STK39: variants seen among roughly 807,000 people sequenced by gnomAD.
The protein encoded by STK39 is STE20/SPS1-related proline-alanine-rich protein kinase.
Under a neutral mutation model 77.8 loss-of-function variants are expected in STK39, and 20 were observed. The observed-to-expected ratio is 0.26, with a 90% CI of 0.18 to 0.37. The LOEUF (loss-of-function observed/expected upper bound fraction) is 0.37, where lower values mean the gene tolerates loss of function less well. Ranked by LOEUF, STK39 falls within the 10% of genes least tolerant of loss-of-function variation. The pLI is 1.00. For synonymous variants in STK39, 246 were observed against 234.1 expected (o/e 1.05, Z -0.47); for missense variants, 479 against 656.5 (o/e 0.73, Z 2.95).
intron 12 of STK39, among the ~76,000 whole-genome samples, chr2:168,073,552 C>A (rs1685997282): frequency 6.6e-6 from 1 of 152,182 alleles, no homozygotes; most frequent in African/African-American, 2.4e-5. Flanking sequence ...AGCACAACAT[C>A]TGTGTGGTCA....
In STK39 at chr2:167,954,643, A is replaced by T. The variant is rs1238194397; in HGVS notation, c.*853T>A. The stretch of plus-strand genomic sequence containing the variant: ...ACTTAACATATGCCACCTTATATAG[A>T]GGAAATTTTAGATCTGAGACTATTC... On this transcript the variant is annotated 3_prime_UTR_variant, in exon 18 of 18. Coordinates refer to ENST00000355999, the MANE Select transcript of STK39 (RefSeq NM_013233.3). 6.6e-6 allele frequency: 1 copy of T among 152,636 alleles called. No individual in the cohort carries two copies. The highest frequency in any genetic ancestry group is 1.5e-5 in the Non-Finnish European group (1 of 68,046). The allele number at this position is 152,636 out of a possible 1,614,324, so 9.5% of individuals were successfully genotyped here. A position where few individuals can be genotyped will look rare whatever the true frequency, so the allele number is the denominator to read the frequency against.
At chr2:168,026,678 CA>C (rs1240209979) in intron 14 of STK39, among the ~76,000 whole-genome samples, 2 of 152,178 alleles carry the variant, frequency 1.3e-5, no homozygotes, top group Non-Finnish European at 2.9e-5. Flanking sequence ...ACTTTTCCCC[CA>C]GTTATACCCC....
intron 14 of STK39, among the ~76,000 whole-genome samples, chr2:168,050,312 T>A (rs1418362302): frequency 6.6e-6 from 1 of 152,044 alleles, no homozygotes; most frequent in African/African-American, 2.4e-5. Context: ...ATACCACAAA[T>A]AAGGAGAGAC....
chr2:168,051,396 C>CA (rs139703948), intron 14 of STK39, among the ~76,000 whole-genome samples: 78 of 151,698 alleles, frequency 5.1e-4, no homozygotes, highest in African/African-American at 1.6e-3. Context: ...TAAATGCCAC[C>CA]AAAAAAAAGC....
intron 16 of STK39, among the ~76,000 whole-genome samples, chr2:167,968,150 G>A (rs1007023762): frequency 1.2e-4 from 18 of 152,162 alleles, no homozygotes; most frequent in African/African-American, 2.4e-5. Context: ...GTGGTTTTCC[G>A]TGCTGTATAT....
chr2:168,228,770 G>A (rs372069120), intron 1 of STK39, among the ~76,000 whole-genome samples: 10 of 152,090 alleles, frequency 6.6e-5, no homozygotes, highest in African/African-American at 2.4e-4. Context: ...GCCTGGACAA[G>A]AGTGAAACTC....
intron 10 of STK39, among the ~76,000 whole-genome samples, chr2:168,126,838 A>G (rs1331406270): frequency 2.0e-5 from 3 of 152,192 alleles, no homozygotes; most frequent in African/African-American, 7.2e-5. Flanking sequence ...AAAACAGCCA[A>G]TATTATGAAA....
intron 1 of STK39, among the ~76,000 whole-genome samples, chr2:168,246,725 C>T (rs2105289808): frequency 6.6e-6 from 1 of 152,290 alleles, no homozygotes; most frequent in Middle Eastern, 3.4e-3. Flanking sequence ...GGCCCCGTTA[C>T]CCACGACGAG....
At chr2:168,080,739 A>G (rs549951216) in intron 10 of STK39, among the ~76,000 whole-genome samples, 1 of 152,318 alleles carries the variant, frequency 6.6e-6, no homozygotes, top group Admixed American at 6.5e-5. Flanking sequence ...TTTAGCAGGA[A>G]AAAAATGGTT....
intron 1 of STK39, among the ~76,000 whole-genome samples, chr2:168,226,789 G>T (rs2030163): frequency 0.98 from 149,018 of 152,324 alleles, 72,971 homozygotes; most frequent in East Asian, 1. Context: ...GGAAGAAATT[G>T]TCACAGTATC....
chr2:168,205,286 T>C (rs1298864473), intron 1 of STK39, among the ~76,000 whole-genome samples: 9 of 152,232 alleles, frequency 5.9e-5, no homozygotes, highest in Non-Finnish European at 1.2e-4. Flanking sequence ...TACAACTTAA[T>C]TGCAAATTTG....
At chr2:168,212,049 C>T (rs1401408653) in intron 1 of STK39, among the ~76,000 whole-genome samples, 1 of 152,198 alleles carries the variant, frequency 6.6e-6, no homozygotes, top group African/African-American at 2.4e-5. Flanking sequence ...CCAAAAGGAA[C>T]CTGAATGGCA....
intron 17 of STK39, among the ~76,000 whole-genome samples, chr2:167,957,762 CAATAGTGGTTG>C (rs1691827032): frequency 6.6e-6 from 1 of 152,122 alleles, no homozygotes; most frequent in Non-Finnish European, 1.5e-5. Flanking sequence ...CTACAATATC[CAATAGTGGTTG>C]AACTGACTAG....
At chr2:168,016,405 A>AAAAC (rs1684407791) in intron 15 of STK39, among the ~76,000 whole-genome samples, 2 of 150,850 alleles carry the variant, frequency 1.3e-5, no homozygotes, top group African/African-American at 4.9e-5. Context: ...AAAAAAAAAA[A>AAAAC]AAAAAAAACA....
chr2:168,191,133 A>T (rs1422265897), intron 1 of STK39, among the ~76,000 whole-genome samples: 2 of 152,030 alleles, frequency 1.3e-5, no homozygotes, highest in African/African-American at 4.8e-5. Flanking sequence ...GGTCAGTCCC[A>T]CTCCATCCCT....
intron 16 of STK39, among the ~76,000 whole-genome samples, chr2:168,002,583 C>A (rs962322826): frequency 5.9e-5 from 9 of 152,144 alleles, no homozygotes; most frequent in East Asian, 1.9e-4. Flanking sequence ...TCTAGGAATT[C>A]TTTTTTTTCT....
At chr2:168,164,933 T>C (rs561082572) in intron 3 of STK39, among the ~76,000 whole-genome samples, 60 of 152,262 alleles carry the variant, frequency 3.9e-4, no homozygotes, top group African/African-American at 1.3e-3. Flanking sequence ...CCTCAGGACC[T>C]GAATTTGGCT....
At chr2:168,113,442 T>C (rs556259265) in intron 10 of STK39, among the ~76,000 whole-genome samples, 1 of 152,274 alleles carries the variant, frequency 6.6e-6, no homozygotes, top group Admixed American at 6.5e-5. Context: ...AAGATACATA[T>C]TACATGCAAC....
At chr2:168,026,968 A>C (rs748404143) in intron 14 of STK39, among the ~76,000 whole-genome samples, 4 of 152,234 alleles carry the variant, frequency 2.6e-5, no homozygotes, top group South Asian at 2.1e-4. Context: ...CACACACACA[A>C]AATTCTAGAT....
Sources: allele counts gnomAD v4.1 joint callset (sites outside exome capture counted in the v4.1 genomes callset), GRCh38; gene constraint gnomAD v4.1.1; transcripts MANE v1.5; gene names NCBI Gene and HGNC (gene_info 2026-07-23, HGNC 2026-07-21).